AGTPBP1: variants seen among roughly 807,000 people sequenced by gnomAD.
AGTPBP1 encodes cytosolic carboxypeptidase 1.
AGTPBP1 carries 70 observed loss-of-function variants against 143.9 expected under a neutral mutation model. That is an observed-to-expected ratio of 0.49 (90% CI 0.40 to 0.59). The LOEUF is 0.59. Ranked by LOEUF, AGTPBP1 falls within the 20% of genes least tolerant of loss-of-function variation. AGTPBP1 has a pLI of 0.00. For synonymous variants in AGTPBP1, 463 were observed against 500.2 expected, an observed-to-expected ratio of 0.93 and a Z score of 0.99; for missense variants, 1,229 against 1,464.5, an observed-to-expected ratio of 0.84 and a Z score of 2.62.
intron 2 of AGTPBP1, among the ~76,000 whole-genome samples, chr9:85,695,055 T>C (rs910923819): frequency 9.9e-5 from 15 of 152,200 alleles, no homozygotes; most frequent in African/African-American, 3.1e-4. Flanking sequence ...GCCTAGTGAC[T>C]AGGCTGCTTC....
intron 13 of AGTPBP1, among the ~76,000 whole-genome samples, chr9:85,639,271 A>T (rs917817736): frequency 5.9e-5 from 9 of 152,208 alleles, no homozygotes; most frequent in Non-Finnish European, 1.3e-4. Context: ...CATCAAAATT[A>T]CTGCTTATAC....
At chr9:85,558,908 T>A (rs888281374) in intron 25 of AGTPBP1, among the ~76,000 whole-genome samples, 7 of 152,192 alleles carry the variant, frequency 4.6e-5, no homozygotes, top group African/African-American at 1.2e-4. Flanking sequence ...CGTGAGCCAC[T>A]GCACCTGGCC....
At chr9:85,550,760 C>A (rs574052628) in intron 25 of AGTPBP1, among the ~76,000 whole-genome samples, 1 of 152,316 alleles carries the variant, frequency 6.6e-6, no homozygotes, top group East Asian at 1.9e-4. Context: ...AACATTCACT[C>A]CGTGAGTCAT....
chr9:85,791,692 A>G, the AGTPBP1 span, among the ~76,000 whole-genome samples: 1 of 152,250 alleles, frequency 6.6e-6, no homozygotes, highest in African/African-American at 2.4e-5. Flanking sequence ...ACACTAAAGA[A>G]TACTCTTGGT....
chr9:85,622,853 A>C (rs1157696657), intron 14 of AGTPBP1, among the ~76,000 whole-genome samples: 2 of 152,218 alleles, frequency 1.3e-5, no homozygotes. Context: ...ATACCACATC[A>C]AAATTTAAGT....
chr9:85,574,170 C>G (rs895759649), intron 25 of AGTPBP1, among the ~76,000 whole-genome samples: 5 of 152,046 alleles, frequency 3.3e-5, no homozygotes, highest in African/African-American at 1.2e-4. Flanking sequence ...TATGACCTTA[C>G]CCCCAACCCT....
At position 85,692,789 on chromosome 9, in the gene AGTPBP1, T is replaced by C. The variant is rs1835965243; in HGVS notation, c.57A>G (p.Val19=). Residue 19 remains valine (V), a synonymous_variant, in exon 3 of 26, where the codon GTA becomes GTG. Coordinates refer to ENST00000357081, the MANE Select transcript of AGTPBP1 (RefSeq NM_001330701.2). Reference sequence around the variant, plus strand: ...TCTTCTCCAGTTGAGCCAGGAGTCCTACGATCCTAGAATTATTGGTAAGGC... The same window carrying C: ...TCTTCTCCAGTTGAGCCAGGAGTCCCACGATCCTAGAATTATTGGTAAGGC... ...EKSLTNNSRI[V]GLLAQLEKIN... The C allele has an allele frequency of 1.9e-6, 3 of 1,613,798 alleles. No homozygotes were observed. Among genetic ancestry groups the C allele is most frequent in the Admixed American group, 3.3e-5 (2 of 59,988 alleles).
At chr9:85,761,371 C>A in the AGTPBP1 span, among the ~76,000 whole-genome samples, 7 of 152,192 alleles carry the variant, frequency 4.6e-5, no homozygotes, top group Non-Finnish European at 7.3e-5. Flanking sequence ...TGACTTCAAA[C>A]TATACTACAA....
intron 25 of AGTPBP1, among the ~76,000 whole-genome samples, chr9:85,552,301 T>G (rs1415481463): frequency 6.6e-6 from 1 of 152,220 alleles, no homozygotes; most frequent in African/African-American, 2.4e-5. Flanking sequence ...GTTTACTTTA[T>G]GCAGATTCAG....
chr9:85,755,991 A>G, the AGTPBP1 span: 3 of 1,026,348 alleles, frequency 2.9e-6, no homozygotes, highest in Admixed American at 3.2e-5. Flanking sequence ...AAGAGATTTC[A>G]GCCAATCTGA....
At chr9:85,718,618 T>A (rs967068989) in intron 1 of AGTPBP1, among the ~76,000 whole-genome samples, 1 of 152,246 alleles carries the variant, frequency 6.6e-6, no homozygotes, top group Non-Finnish European at 1.5e-5. Context: ...ATTCTGTAGG[T>A]TGCCTGTTCA....
At chr9:85,792,449 G>T in the AGTPBP1 span, among the ~76,000 whole-genome samples, 1 of 152,184 alleles carries the variant, frequency 6.6e-6, no homozygotes, top group East Asian at 1.9e-4. Flanking sequence ...GGGAGGGTTG[G>T]ACAGCATCTG....
At chr9:85,585,065 A>G (rs914891262) in intron 23 of AGTPBP1, among the ~76,000 whole-genome samples, 21 of 152,350 alleles carry the variant, frequency 1.4e-4, no homozygotes, top group African/African-American at 4.3e-4. Flanking sequence ...CATGATATCA[A>G]TATTAATTAT....
the AGTPBP1 span, among the ~76,000 whole-genome samples, chr9:85,762,464 C>G: frequency 6.6e-6 from 1 of 152,114 alleles, no homozygotes; most frequent in Non-Finnish European, 1.5e-5. Context: ...AGTTCATGTC[C>G]TTTGTAGGGA....
intron 2 of AGTPBP1, among the ~76,000 whole-genome samples, chr9:85,711,203 A>G (rs1340719874): frequency 1.3e-5 from 2 of 152,342 alleles, no homozygotes; most frequent in East Asian, 3.9e-4. Flanking sequence ...TCACAGCCTT[A>G]TAATAACAGC....
At chr9:85,708,023 T>C (rs1351377253) in intron 2 of AGTPBP1, among the ~76,000 whole-genome samples, 1 of 152,026 alleles carries the variant, frequency 6.6e-6, no homozygotes, top group Non-Finnish European at 1.5e-5. Flanking sequence ...GTAACAAAAC[T>C]GCACATTCTG....
At chr9:85,667,338 A>G (rs992144134) in intron 8 of AGTPBP1, among the ~76,000 whole-genome samples, 3 of 152,122 alleles carry the variant, frequency 2.0e-5, no homozygotes, top group Non-Finnish European at 4.4e-5. Flanking sequence ...AACACTGGAA[A>G]TGTCCTGAAC....
intron 11 of AGTPBP1, 143 bp from the exon 12 acceptor site, chr9:85,646,561 G>A: frequency 1.6e-6 from 1 of 615,424 alleles, no homozygotes; most frequent in Non-Finnish European, 2.8e-6. Flanking sequence ...TCTCTCTAAG[G>A]CTGTCCCAGC....
At chr9:85,610,924 A>G (rs1038132643) in intron 17 of AGTPBP1, among the ~76,000 whole-genome samples, 3 of 152,228 alleles carry the variant, frequency 2.0e-5, no homozygotes, top group East Asian at 3.8e-4. Flanking sequence ...TAACAAATCT[A>G]AAGATAAGTT....
Sources: allele counts gnomAD v4.1 joint callset (sites outside exome capture counted in the v4.1 genomes callset), GRCh38; gene constraint gnomAD v4.1.1; transcripts MANE v1.5; gene names NCBI Gene and HGNC (gene_info 2026-07-23, HGNC 2026-07-21).